The following SLC9A9 variants were observed in gnomAD, a reference collection of about 807,000 sequenced individuals.
SLC9A9 encodes sodium/hydrogen exchanger 9.
A neutral mutation model predicts 77.8 loss-of-function variants in SLC9A9; 62 were observed. That is an observed-to-expected ratio of 0.80 (90% CI 0.65 to 0.98). The LOEUF (loss-of-function observed/expected upper bound fraction) is 0.98. Ranked by LOEUF, SLC9A9 falls within the 50% of genes least tolerant of loss-of-function variation. The pLI, the probability that SLC9A9 is intolerant of heterozygous loss-of-function variation, is 0.00. For missense variants in SLC9A9, 775 were observed against 774.9 expected (o/e 1.00, Z 0.00); for synonymous variants, 320 against 283.5 (o/e 1.13, Z -1.29).
intron 12 of SLC9A9, among the ~76,000 whole-genome samples, chr3:143,435,740 C>A (rs2034610809): frequency 6.6e-6 from 1 of 152,126 alleles, no homozygotes; most frequent in Non-Finnish European, 1.5e-5. Context: ...AGTTCAGTGG[C>A]AGGATTTGTG....
At chr3:143,345,818 CT>C (rs899189410) in intron 14 of SLC9A9, among the ~76,000 whole-genome samples, 1 of 152,052 alleles carries the variant, frequency 6.6e-6, no homozygotes, top group African/African-American at 2.4e-5. Flanking sequence ...GGAATCCAGA[CT>C]GTTTGCAAGG....
At chr3:143,571,276 A>T (rs1270398449) in intron 8 of SLC9A9, among the ~76,000 whole-genome samples, 1 of 152,108 alleles carries the variant, frequency 6.6e-6, no homozygotes, top group Non-Finnish European at 1.5e-5. Flanking sequence ...AGCTCTTTCC[A>T]TTTTAGTTTA....
intron 9 of SLC9A9, among the ~76,000 whole-genome samples, chr3:143,516,941 T>A (rs2036211406): frequency 6.6e-6 from 1 of 152,306 alleles, no homozygotes. Context: ...AACTTGAAAT[T>A]TTTTTCAGTC....
intron 4 of SLC9A9, among the ~76,000 whole-genome samples, chr3:143,741,746 C>T (rs572779611): frequency 4.6e-5 from 7 of 152,190 alleles, no homozygotes; most frequent in Non-Finnish European, 1.0e-4. Context: ...TGGCACTTTA[C>T]GTCGGTGATC....
intron 11 of SLC9A9, among the ~76,000 whole-genome samples, chr3:143,489,537 G>C (rs1238672157): frequency 1.3e-5 from 2 of 151,436 alleles, no homozygotes; most frequent in South Asian, 2.1e-4. Context: ...AACTCAAATG[G>C]ATAAAAAAAT....
At chr3:143,732,079 CCT>C (rs1473680472) in intron 4 of SLC9A9, among the ~76,000 whole-genome samples, 6 of 152,146 alleles carry the variant, frequency 3.9e-5, no homozygotes, top group African/African-American at 1.4e-4. Flanking sequence ...CTCCAGGAAC[CCT>C]GTGTTGGTTA....
chr3:143,563,126 A>G (rs1163033656), intron 8 of SLC9A9, among the ~76,000 whole-genome samples: 1 of 152,214 alleles, frequency 6.6e-6, no homozygotes, highest in African/African-American at 2.4e-5. Flanking sequence ...TTGAAAAACC[A>G]CAAAGAGGCA....
chr3:143,535,277 C>A (rs2036574139), intron 9 of SLC9A9, among the ~76,000 whole-genome samples: 1 of 152,078 alleles, frequency 6.6e-6, no homozygotes, highest in African/African-American at 2.4e-5. Context: ...CTTTAGAGTT[C>A]TTTCATGAAA....
intron 11 of SLC9A9, among the ~76,000 whole-genome samples, chr3:143,476,161 G>T (rs949542289): frequency 1.3e-5 from 2 of 151,992 alleles, no homozygotes; most frequent in Non-Finnish European, 2.9e-5. Context: ...AATGTTCCAG[G>T]ATAATGCAAT....
intron 12 of SLC9A9, among the ~76,000 whole-genome samples, chr3:143,426,308 T>C (rs2034403586): frequency 6.6e-6 from 1 of 152,240 alleles, no homozygotes. Flanking sequence ...CTTTCAAGGA[T>C]ACGAACTACT....
rs186633633 is a variant in SLC9A9, at chr3:143,767,608, G to A, written c.533+27393C>T. Among the ~76,000 whole-genome samples, 516 of 152,188 alleles carry A rather than the reference G, an allele frequency of 3.4e-3. 2 individuals carry two copies. The highest frequency in any genetic ancestry group is 5.5e-3 in the Non-Finnish European group (376 of 68,008). ...ACTCCTTGGTTTCTATTATTTTGTG[G>A]TAAGGAACTTTAAGTACAGTCTTGT... On this transcript the variant is annotated intron_variant, in intron 4 of 15. Transcript: ENST00000316549.
chr3:143,656,138 A>T (rs1420568192), intron 5 of SLC9A9, among the ~76,000 whole-genome samples: 2 of 152,242 alleles, frequency 1.3e-5, no homozygotes, highest in African/African-American at 4.8e-5. Context: ...TAGAGGCTAC[A>T]GGAAGGTTGA....
At chr3:143,840,921 GT>G (rs966973604) in intron 1 of SLC9A9, among the ~76,000 whole-genome samples, 18 of 152,194 alleles carry the variant, frequency 1.2e-4, no homozygotes, top group African/African-American at 4.3e-4. Flanking sequence ...ATTTAGCATG[GT>G]TGTTGTGAGG....
chr3:143,729,302 A>G (rs1327719578), intron 4 of SLC9A9, among the ~76,000 whole-genome samples: 1 of 152,212 alleles, frequency 6.6e-6, no homozygotes, highest in Non-Finnish European at 1.5e-5. Flanking sequence ...TCTACATTTC[A>G]GCCATGAAGT....
chr3:143,721,232 G>A (rs898056856), intron 4 of SLC9A9, among the ~76,000 whole-genome samples: 2 of 152,042 alleles, frequency 1.3e-5, no homozygotes, highest in Admixed American at 1.3e-4. Context: ...TATAATCTTT[G>A]TACCCTAAAG....
intron 11 of SLC9A9, among the ~76,000 whole-genome samples, chr3:143,478,365 C>A (rs907172873): frequency 6.6e-6 from 1 of 152,190 alleles, no homozygotes; most frequent in East Asian, 1.9e-4. Context: ...GAATGACAGG[C>A]AGGGCACACA....
chr3:143,652,877 C>G (rs571546386), intron 5 of SLC9A9, among the ~76,000 whole-genome samples: 11 of 151,886 alleles, frequency 7.2e-5, no homozygotes, highest in Non-Finnish European at 1.5e-4. Flanking sequence ...CCCTCCCAAC[C>G]CTTCAACTGC....
At position 143,472,821 on chromosome 3, in the gene SLC9A9, G is replaced by A. The variant is rs2035400769; in HGVS notation, c.1316-5631C>T. Among the ~76,000 whole-genome samples, 3 of 152,224 alleles carry A rather than the reference G, an allele frequency of 2.0e-5. No individual in the cohort carries two copies. In the South Asian group the frequency reaches 6.2e-4, roughly 32 times the overall value. ...AGATTAATGTAATGGTTTCAGAATA[G>A]TTTCTACAAGTTCAGTTTCTGCCTT... On this transcript the variant is annotated intron_variant, in intron 11 of 15. Transcript: ENST00000316549.
At chr3:143,510,093 T>C (rs950373572) in intron 9 of SLC9A9, among the ~76,000 whole-genome samples, 1 of 152,194 alleles carries the variant, frequency 6.6e-6, no homozygotes, top group African/African-American at 2.4e-5. Flanking sequence ...AAGTTGATGT[T>C]TTTCAAAAAA....
Sources: allele counts gnomAD v4.1 joint callset (sites outside exome capture counted in the v4.1 genomes callset), GRCh38; gene constraint gnomAD v4.1.1; transcripts MANE v1.5; gene names NCBI Gene and HGNC (gene_info 2026-07-23, HGNC 2026-07-21).